Variants in RSKR observed in about 807,000 individuals in gnomAD.
RSKR encodes ribosomal protein S6 kinase-related protein.
Under a neutral mutation model 56.8 loss-of-function variants are expected in RSKR, and 44 were observed. That is an observed-to-expected ratio of 0.77 (90% CI 0.61 to 1.00). The LOEUF (loss-of-function observed/expected upper bound fraction) is 1.00, where lower values mean the gene tolerates loss of function less well. Ranked by LOEUF, RSKR falls within the 50% of genes least tolerant of loss-of-function variation. RSKR has a pLI of 0.00. For missense variants in RSKR, 510 were observed against 506.9 expected, an observed-to-expected ratio of 1.01 and a Z score of -0.06; for synonymous variants, 181 against 188.0, an observed-to-expected ratio of 0.96 and a Z score of 0.30.
In RSKR at chr17:28,614,110, T is replaced by A; in HGVS notation, c.52A>T (p.Thr18Ser). The A allele has an allele frequency of 6.2e-7, 1 of 1,613,554 alleles. No individual in the cohort carries two copies. The highest frequency in any genetic ancestry group is 8.5e-7 in the Non-Finnish European group (1 of 1,179,898). Residue 18 changes from threonine to serine, a missense_variant, in exon 1 of 12, where the codon ACC becomes TCC. Transcript: ENST00000301037. The stretch of plus-strand genomic sequence containing the variant: ...ACCTTGTGAGGGACAGCCACCCGGG[T>A]GTGTTCCCCCTGCTGGGTGTGCTGC... ...QGQHTQQGEHTRVAVPHKQGG... is the reference protein window; with the variant it reads ...QGQHTQQGEHSRVAVPHKQGG...
chr17:28,611,890 A>C lies in RSKR; in HGVS notation c.694-95T>G, dbSNP rs1268979920. The C allele has an allele frequency of 4.5e-5, 72 of 1,611,686 alleles. No homozygotes were observed. In the Admixed American group the frequency reaches 5.7e-4, roughly 13 times the overall value. On this transcript the variant is annotated intron_variant, in intron 7 of 11. Coordinates refer to ENST00000301037, the MANE Select transcript of RSKR (RefSeq NM_001174103.2). ...AGCTGAAGGTGATGCCCTACTCAGC[A>C]CTCAAATCTATACTCAGAGAGCCCT...
Position 28,611,550 on chromosome 17 carries a change from G to A in RSKR, c.811+17C>T. On this transcript the variant is annotated intron_variant, in intron 9 of 11. Transcript: ENST00000301037. ...CCTCCTGCCCAATGCTTACCCATCAGCTTTAACCTCTCTCACCCATGTACT... is the reference window on the plus strand; with the variant it reads ...CCTCCTGCCCAATGCTTACCCATCAACTTTAACCTCTCTCACCCATGTACT... 1 of 1,557,154 alleles carries A rather than the reference G, an allele frequency of 6.4e-7. No homozygotes were observed. Among genetic ancestry groups the A allele is most frequent in the Non-Finnish European group, 8.7e-7 (1 of 1,154,500 alleles).
rs1408009853 is a variant in RSKR at position 28,609,882 on chromosome 17, T to A, written c.*596A>T. ...AGCCTGGCCAACATGGTGAACCCTG[T>A]CTCTACTAAAAAATACAAAAATTAG... On this transcript the variant is annotated 3_prime_UTR_variant, in exon 12 of 12. Coordinates refer to ENST00000301037, the MANE Select transcript of RSKR (RefSeq NM_001174103.2). 1.3e-5 allele frequency: 2 copies of A among 151,818 alleles called. No homozygotes were observed. Among genetic ancestry groups the A allele is most frequent in the African/African-American group, 4.9e-5 (2 of 41,088 alleles). 9.4% of individuals were successfully genotyped at this position (151,818 alleles called of 1,614,324 possible). A position where few individuals can be genotyped will look rare whatever the true frequency, so the allele number is the denominator to read the frequency against.
At position 28,609,915 on chromosome 17, in the gene RSKR, TA is replaced by T. The variant is rs1227552083; in HGVS notation, c.*562del. ...AAAAAATACAAAAATTAGCTGGGCA[TA>T]ATGGTGTGCATTTGTAATCCCAGCT... On this transcript the variant is annotated 3_prime_UTR_variant, in exon 12 of 12. Transcript: ENST00000301037. 6.5e-6 allele frequency: 1 copy of T among 153,014 alleles called. No homozygotes were observed. The highest frequency in any genetic ancestry group is 2.4e-5 in the African/African-American group (1 of 41,152). The allele number at this position is 153,014 out of a possible 1,614,324, so 9.5% of individuals were successfully genotyped here.
At position 28,611,220 on chromosome 17, in the gene RSKR, TG is replaced by T; in HGVS notation, c.933del (p.Met312CysfsTer5). The T allele has an allele frequency of 6.5e-7, 1 of 1,536,172 alleles. No individual in the cohort carries two copies. The highest frequency in any genetic ancestry group is 8.7e-7 in the Non-Finnish European group (1 of 1,146,886). On this transcript the variant is annotated frameshift_variant, in exon 11 of 12. Transcript: ENST00000301037. LOFTEE classifies it high-confidence loss of function. ...TCACTGTGGGTCACACTTGCCAACA[TG>T]GCCACATGATCTCTCTCTGCAGCCA... is the stretch of plus-strand genomic sequence containing the variant. Reference protein sequence around the residue: ...FPVAAERDHVAMLASVTHSDS... With the variant: ...FPVAAERDHVXMLASVTHSDS...
At position 28,612,647 on chromosome 17, in the gene RSKR, C is replaced by A. The variant is rs2070835269; in HGVS notation, c.518G>T (p.Ser173Ile). The A allele has an allele frequency of 6.2e-7, 1 of 1,614,064 alleles. No homozygotes were observed. The highest frequency in any genetic ancestry group is 1.7e-5 in the Admixed American group (1 of 60,008). The change falls in exon 5 of 12, where the codon AGC (serine) becomes ATC (isoleucine). Residue 173 changes from serine to isoleucine, a missense_variant. Coordinates refer to ENST00000301037, the MANE Select transcript of RSKR (RefSeq NM_001174103.2). ...NHPFVHSLGD[S>I]WQGKRHLFIM... ...GAAAAGGTGCCGTTTTCCCTGCCAG[C>A]TGTCCCCCAAGCTGTGTACAAAGGG...
rs768404764 is a variant in RSKR at position 28,612,296 on chromosome 17, G to A, written c.618C>T (p.Ile206=). Residue 206 remains isoleucine, a synonymous_variant, in exon 6 of 12, where the codon ATC becomes ATT. Transcript: ENST00000301037. ...GCACCAACTCGGCAGCAAAGAGACG[G>A]ATGGAAGCCTCAGGAAAGCAGCCAA... ...SAVGCFPEAS[I]RLFAAELVLV... 4 of 1,614,198 alleles carry A rather than the reference G, an allele frequency of 2.5e-6. No individual in the cohort carries two copies. The highest frequency in any genetic ancestry group is 1.3e-5 in the African/African-American group (1 of 75,056).
intron 8 of RSKR, 38 bp downstream of exon 8, chr17:28,611,730 A>G (rs775960820): frequency 9.3e-6 from 15 of 1,613,742 alleles, no homozygotes; most frequent in African/African-American, 2.7e-5. Context: ...AAACCAAAGT[A>G]CCTCTCATCC....
intron 7 of RSKR, 57 bp from the exon 8 acceptor site, chr17:28,611,852 A>G: frequency 1.2e-6 from 2 of 1,613,668 alleles, no homozygotes; most frequent in Non-Finnish European, 1.7e-6. Context: ...CTCTTTCATC[A>G]TGTATACACC....
intron 3 of RSKR, 28 bp downstream of exon 3, chr17:28,613,234 G>C: frequency 5.6e-6 from 9 of 1,613,866 alleles, no homozygotes; most frequent in Non-Finnish European, 7.6e-6. Context: ...ATTGGAAACA[G>C]AGACTAATGT....
intron 11 of RSKR, 124 bp downstream of exon 11, chr17:28,611,019 T>C: frequency 1.2e-6 from 1 of 827,962 alleles, no homozygotes; most frequent in East Asian, 2.7e-5. Flanking sequence ...GGCAAGTAGT[T>C]AGGTAGTTAA....
rs1409926353 is a variant in RSKR at position 28,609,054 on chromosome 17, T to C, written c.*1424A>G. 1.4e-5 allele frequency: 2 copies of C among 141,728 alleles called. No individual in the cohort carries two copies. Among genetic ancestry groups the C allele is most frequent in the South Asian group, 2.4e-4 (1 of 4,186 alleles). The allele number at this position is 141,728 out of a possible 1,614,324, so 8.8% of individuals were successfully genotyped here. ...AATCTTTTTTTTTTTTTTTTTTTTTTTTTTTTGAGACAGAGTCTACCTCTG... is the reference window on the plus strand; with the variant it reads ...AATCTTTTTTTTTTTTTTTTTTTTTCTTTTTTGAGACAGAGTCTACCTCTG... On this transcript the variant is annotated 3_prime_UTR_variant, in exon 12 of 12. Coordinates refer to ENST00000301037, the MANE Select transcript of RSKR (RefSeq NM_001174103.2).
Position 28,609,502 on chromosome 17 carries a change from C to T in RSKR, c.*976G>A, listed in dbSNP as rs1359532947. The T allele has an allele frequency of 6.6e-6, 1 of 151,948 alleles. No individual in the cohort carries two copies. Among genetic ancestry groups the T allele is most frequent in the East Asian group, 1.9e-4 (1 of 5,192 alleles). The allele number at this position is 151,948 out of a possible 1,614,324, so 9.4% of individuals were successfully genotyped here. On this transcript the variant is annotated 3_prime_UTR_variant, in exon 12 of 12. Coordinates refer to ENST00000301037, the MANE Select transcript of RSKR (RefSeq NM_001174103.2). ...CCCATGTTTCAGTTTCTATTTTCTT[C>T]CTCACTAGATTATTTTATTCACTTT...
intron 11 of RSKR, 25 bp downstream of exon 11, chr17:28,611,118 G>T: frequency 6.6e-7 from 1 of 1,506,104 alleles, no homozygotes; most frequent in Middle Eastern, 1.7e-4. Flanking sequence ...TCGTAGCCAA[G>T]AAGGAAAGCA....
Position 28,612,633 on chromosome 17 carries a change from G to GT in RSKR, c.531dup (p.Arg178ThrfsTer8), listed in dbSNP as rs761519672. 1 of 1,614,146 alleles carries GT rather than the reference G, an allele frequency of 6.2e-7. No individual in the cohort carries two copies. Among genetic ancestry groups the GT allele is most frequent in the South Asian group, 1.1e-5 (1 of 91,084 alleles). Reference sequence around the variant, plus strand: ...AGTCACTCACTAATGAAAAGGTGCCGTTTTCCCTGCCAGCTGTCCCCCAAG... The same window carrying GT: ...AGTCACTCACTAATGAAAAGGTGCCGTTTTTCCCTGCCAGCTGTCCCCCAAG... On this transcript the variant is annotated frameshift_variant, in exon 5 of 12. Transcript: ENST00000301037. LOFTEE classifies it high-confidence loss of function.
Position 28,611,358 on chromosome 17 carries a change from C to T in RSKR, c.900+35G>A, listed in dbSNP as rs2070810772. Reference sequence around the variant, plus strand: ...TCCTTCTTCCCACCACAAGGCAAAGCTCTTCTCTGCCCAAAACTACTACTA... The same window carrying T: ...TCCTTCTTCCCACCACAAGGCAAAGTTCTTCTCTGCCCAAAACTACTACTA... On this transcript the variant is annotated intron_variant, in intron 10 of 11. Transcript: ENST00000301037. The T allele has an allele frequency of 3.2e-6, 5 of 1,540,798 alleles. No individual in the cohort carries two copies. The East Asian group carries it at 1.2e-4, about 37-fold the overall frequency.
rs758824891 is a variant in RSKR at position 28,612,611 on chromosome 17, C to G, written c.547+7G>C. 2 of 1,613,370 alleles carry G rather than the reference C, an allele frequency of 1.2e-6. No individual in the cohort carries two copies. The highest frequency in any genetic ancestry group is 8.5e-7 in the Non-Finnish European group (1 of 1,179,346). On this transcript the variant is annotated splice_region_variant and intron_variant, in intron 5 of 11. Transcript: ENST00000301037. ...CTGGGGGATGAGGAGAGAGTCCAGT[C>G]ACTCACTAATGAAAAGGTGCCGTTT...
rs763474467 is a variant in RSKR at position 28,613,285 on chromosome 17, G to A, written c.385C>T (p.Gln129Ter). The A allele has an allele frequency of 6.2e-7, 1 of 1,613,990 alleles. No homozygotes were observed. The highest frequency in any genetic ancestry group is 2.2e-5 in the East Asian group (1 of 44,890). Residue 129 changes from glutamine to a stop codon, truncating the protein, a stop_gained, in exon 3 of 12, where the codon CAG (glutamine) becomes TAG (stop). Coordinates refer to ENST00000301037, the MANE Select transcript of RSKR (RefSeq NM_001174103.2). LOFTEE classifies it high-confidence loss of function. ...GTVLKVLDCT[Q>*]KAVFAVKVVP... ...ACCTTCACTGCAAATACAGCTTTCT[G>A]GGTGCAATCTAGCACCTTGAGGACA... is the stretch of plus-strand genomic sequence containing the variant.
rs749187249 is a variant in RSKR, at chr17:28,614,125, G to T, written c.37C>A (p.Gln13Lys). Residue 13 changes from glutamine (Q) to lysine (K), a missense_variant, in exon 1 of 12, where the codon CAG becomes AAG. Gln to Lys is a moderately conservative substitution (Grantham distance 53). Coordinates refer to ENST00000301037, the MANE Select transcript of RSKR (RefSeq NM_001174103.2). ...GCCACCCGGGTGTGTTCCCCCTGCT[G>T]GGTGTGCTGCCCCTGCCGACAGCTT... The part of the protein sequence containing the change: ...AVSCRQGQHT[Q>K]QGEHTRVAVP... 6.2e-7 allele frequency: 1 copy of T among 1,613,658 alleles called. No homozygotes were observed. The highest frequency in any genetic ancestry group is 8.5e-7 in the Non-Finnish European group (1 of 1,179,944).
Sources: allele counts gnomAD v4.1 joint callset, GRCh38; gene constraint gnomAD v4.1.1; transcripts MANE v1.5; gene names NCBI Gene and HGNC (gene_info 2026-07-23, HGNC 2026-07-21).